The following CCBE1 variants were observed in gnomAD, a reference collection of about 807,000 sequenced individuals.
The protein encoded by CCBE1 is collagen and calcium-binding EGF domain-containing protein 1.
Under a neutral mutation model 50.0 loss-of-function variants are expected in CCBE1, and 37 were observed. That is an observed-to-expected ratio of 0.74 (90% CI 0.57 to 0.97). The LOEUF (loss-of-function observed/expected upper bound fraction) is 0.97, where lower values mean the gene tolerates loss of function less well. CCBE1 is among the 50% of genes least tolerant of loss of function. The probability of loss-of-function intolerance (pLI) is 0.00; values close to 1 mark genes in which losing one functional copy is unlikely to be tolerated. For missense variants in CCBE1, 538 were observed against 523.8 expected (o/e 1.03, Z -0.26); for synonymous variants, 234 against 203.7 (o/e 1.15, Z -1.27).
At chr18:59,460,889 C>G (rs58603837) in intron 5 of CCBE1, among the ~76,000 whole-genome samples, 1 of 151,150 alleles carries the variant, frequency 6.6e-6, no homozygotes, top group South Asian at 2.1e-4. Flanking sequence ...GAGCGGATAT[C>G]GCGCCACTGC....
At chr18:59,503,909 C>T (rs1375072644) in intron 2 of CCBE1, among the ~76,000 whole-genome samples, 1 of 152,152 alleles carries the variant, frequency 6.6e-6, no homozygotes, top group Non-Finnish European at 1.5e-5. Context: ...TCAGAAGATC[C>T]CTTTGTAAGA....
intron 2 of CCBE1, among the ~76,000 whole-genome samples, chr18:59,515,082 C>G (rs946982728): frequency 6.6e-6 from 1 of 152,084 alleles, no homozygotes; most frequent in Admixed American, 6.6e-5. Flanking sequence ...ACATAAAACA[C>G]AAGGGAACAG....
chr18:59,648,081 G>A (rs964989360), intron 2 of CCBE1, among the ~76,000 whole-genome samples: 2 of 152,196 alleles, frequency 1.3e-5, no homozygotes, highest in Admixed American at 6.5e-5. Flanking sequence ...GTATGAACAC[G>A]ATGGAAAAAA....
At chr18:59,664,343 G>A (rs553953822) in intron 2 of CCBE1, among the ~76,000 whole-genome samples, 3 of 152,208 alleles carry the variant, frequency 2.0e-5, no homozygotes, top group African/African-American at 7.2e-5. Context: ...AGAGAGAAGC[G>A]CAGCAGGTGA....
At chr18:59,684,733 C>T (rs772537941) in intron 2 of CCBE1, among the ~76,000 whole-genome samples, 7 of 152,174 alleles carry the variant, frequency 4.6e-5, no homozygotes, top group Non-Finnish European at 5.9e-5. Context: ...ACAAACTATG[C>T]ATTATAGACA....
chr18:59,618,932 T>C (rs1258926391), intron 2 of CCBE1, among the ~76,000 whole-genome samples: 1 of 152,320 alleles, frequency 6.6e-6, no homozygotes, highest in Admixed American at 6.5e-5. Flanking sequence ...TATCTGCTAC[T>C]CCAGGTATTG....
intron 2 of CCBE1, among the ~76,000 whole-genome samples, chr18:59,483,438 A>C (rs1286349107): frequency 6.6e-6 from 1 of 152,222 alleles, no homozygotes; most frequent in Admixed American, 6.5e-5. Flanking sequence ...GAAATGTTTC[A>C]ATGAGCATTT....
chr18:59,498,170 G>A (rs1913444146), intron 2 of CCBE1, among the ~76,000 whole-genome samples: 1 of 151,816 alleles, frequency 6.6e-6, no homozygotes, highest in Non-Finnish European at 1.5e-5. Context: ...GATTCATGTG[G>A]CATTTCTGTT....
intron 2 of CCBE1, among the ~76,000 whole-genome samples, chr18:59,488,749 T>C (rs545567436): frequency 6.6e-6 from 1 of 152,258 alleles, no homozygotes; most frequent in African/African-American, 2.4e-5. Flanking sequence ...ATAGTAACAC[T>C]ATCCACTCCA....
intron 2 of CCBE1, among the ~76,000 whole-genome samples, chr18:59,524,940 G>A (rs116714866): frequency 0.019 from 2,895 of 152,188 alleles, 104 homozygotes; most frequent in African/African-American, 0.066. Context: ...TCCTTTTAAT[G>A]GCTGTATAGT....
At chr18:59,454,305 A>T (rs1911077122) in intron 6 of CCBE1, among the ~76,000 whole-genome samples, 1 of 152,008 alleles carries the variant, frequency 6.6e-6, no homozygotes, top group Admixed American at 6.6e-5. Context: ...AGTGCAATGG[A>T]GTGGTCCCAG....
chr18:59,592,247 TA>T (rs1465223567), intron 2 of CCBE1, among the ~76,000 whole-genome samples: 1 of 152,110 alleles, frequency 6.6e-6, no homozygotes, highest in Non-Finnish European at 1.5e-5. Context: ...AAAAACAAAA[TA>T]AATAGTTATT....
intron 2 of CCBE1, among the ~76,000 whole-genome samples, chr18:59,514,656 A>AG (rs1411354222): frequency 1.3e-5 from 2 of 151,532 alleles, no homozygotes; most frequent in East Asian, 3.9e-4. Flanking sequence ...AAAAAAAAAA[A>AG]AAAAAGGAGG....
At chr18:59,647,602 T>C (rs1442067109) in intron 2 of CCBE1, among the ~76,000 whole-genome samples, 1 of 152,208 alleles carries the variant, frequency 6.6e-6, no homozygotes, top group East Asian at 1.9e-4. Context: ...TTCTGTCTAG[T>C]TCGTATAATA....
chr18:59,690,770 T>TC (rs1412036064), intron 2 of CCBE1, among the ~76,000 whole-genome samples: 2 of 152,192 alleles, frequency 1.3e-5, no homozygotes, highest in African/African-American at 4.8e-5. Context: ...TACAGAACCT[T>TC]CCCTCCCTCG....
chr18:59,697,237 T>G lies in CCBE1; in HGVS notation c.106A>C (p.Arg36=). ...LLALGHTWTY[R]EEPEDGDREI... The stretch of plus-strand genomic sequence containing the variant: ...CTGTCGCCGTCCTCCGGCTCCTCTC[T>G]GTAGGTCCACGTGTGTCCCAACGCC... Residue 36 remains arginine (R), a synonymous_variant, in exon 1 of 11, where the codon AGA becomes CGA. Coordinates refer to ENST00000439986, the MANE Select transcript of CCBE1 (RefSeq NM_133459.4). 6.5e-7 allele frequency: 1 copy of G among 1,549,188 alleles called. No homozygotes were observed. Among genetic ancestry groups the G allele is most frequent in the Non-Finnish European group, 8.7e-7 (1 of 1,146,718 alleles).
intron 2 of CCBE1, among the ~76,000 whole-genome samples, chr18:59,672,038 A>G (rs1219464295): frequency 6.6e-6 from 1 of 152,208 alleles, no homozygotes; most frequent in Non-Finnish European, 1.5e-5. Context: ...CCATTCACAT[A>G]GAATTCTATG....
rs1418861695 is a variant in CCBE1, at chr18:59,591,110, A to G, written c.212+105519T>C. The stretch of plus-strand genomic sequence containing the variant: ...ATACAAAAAAAATTAGCCGGGCGTG[A>G]TGGTGGGCGCCTGTAGTCCCAGCTA... On this transcript the variant is annotated intron_variant, in intron 2 of 10. Transcript: ENST00000439986. 1.0e-4 allele frequency among the ~76,000 whole-genome samples: 9 copies of G among 88,096 alleles called. 3 individuals carry two copies. Among genetic ancestry groups the G allele is most frequent in the Admixed American group, 5.5e-4 (5 of 9,082 alleles). 57.8% of individuals were successfully genotyped at this position (88,096 alleles called of 152,430 possible).
At chr18:59,601,481 G>A (rs1348076810) in intron 2 of CCBE1, among the ~76,000 whole-genome samples, 1 of 152,096 alleles carries the variant, frequency 6.6e-6, no homozygotes, top group African/African-American at 2.4e-5. Context: ...TGATTGTGAG[G>A]CCTCTCCAGC....
Sources: gnomAD v4.1 joint callset for allele counts (sites outside exome capture counted in the v4.1 genomes callset) on GRCh38, gnomAD v4.1.1 for gene constraint, MANE v1.5 for transcripts, NCBI Gene and HGNC (gene_info 2026-07-23, HGNC 2026-07-21) for gene names.